The following PDE10A variants were observed in gnomAD, a reference collection of about 807,000 sequenced individuals.
PDE10A encodes cAMP and cAMP-inhibited cGMP 3',5'-cyclic phosphodiesterase 10A.
PDE10A carries 39 observed loss-of-function variants against 97.7 expected under a neutral mutation model. The observed-to-expected ratio is 0.40, with a 90% confidence interval of 0.31 to 0.52. The LOEUF is 0.52. Among genes scored for constraint, PDE10A ranks in the 20% least tolerant of loss-of-function variants. The pLI is 0.56. For missense variants in PDE10A, 731 were observed against 1,047.8 expected (o/e 0.70, Z 4.17); for synonymous variants, 371 against 376.8 (o/e 0.98, Z 0.18).
chr6:165,334,913 G>C (rs1209617963), intron 21 of PDE10A, among the ~76,000 whole-genome samples: 2 of 152,100 alleles, frequency 1.3e-5, no homozygotes, highest in African/African-American at 2.4e-5. Flanking sequence ...CAGAAGATAA[G>C]AGTATACTAA....
chr6:165,973,170 G>A (rs889695951), intron 1 of PDE10A, among the ~76,000 whole-genome samples: 2 of 152,214 alleles, frequency 1.3e-5, no homozygotes, highest in African/African-American at 4.8e-5. Flanking sequence ...TGTAATCCCA[G>A]CATTTTAGGA....
rs978063734 is a variant in PDE10A at position 165,644,650 on chromosome 6, C to T, written c.865+17297G>A. 2.6e-5 allele frequency among the ~76,000 whole-genome samples: 4 copies of T among 152,220 alleles called. No individual in the cohort carries two copies. In the East Asian group the frequency reaches 7.7e-4, roughly 29 times the overall value. On this transcript the variant is annotated intron_variant, in intron 1 of 21. Transcript: ENST00000539869. The stretch of plus-strand genomic sequence containing the variant: ...ACAACATATACGTATATTGAAACAT[C>T]ACACTGCATGTACTTCATCAACACA...
chr6:165,612,377 A>ATT (rs200018373), intron 1 of PDE10A, among the ~76,000 whole-genome samples: 16 of 147,964 alleles, frequency 1.1e-4, no homozygotes, highest in African/African-American at 4.0e-4. Flanking sequence ...ATAAACACAG[A>ATT]TTTTTTTTTT....
intron 1 of PDE10A, among the ~76,000 whole-genome samples, chr6:165,715,148 C>A (rs116502813): frequency 0.026 from 3,952 of 152,318 alleles, 162 homozygotes; most frequent in African/African-American, 0.091. Flanking sequence ...CCAGGTGCGG[C>A]CGGCGCTGCT....
intron 1 of PDE10A, among the ~76,000 whole-genome samples, chr6:165,630,503 A>G (rs1788580142): frequency 6.6e-6 from 1 of 152,206 alleles, no homozygotes; most frequent in Admixed American, 6.5e-5. Flanking sequence ...TATGTCAAAA[A>G]AAGATTTTAG....
At chr6:165,429,622 G>A (rs1030825470) in intron 9 of PDE10A, among the ~76,000 whole-genome samples, 1 of 151,994 alleles carries the variant, frequency 6.6e-6, no homozygotes, top group African/African-American at 2.4e-5. Context: ...TATTCCTTTA[G>A]TGAACTTGTA....
chr6:165,960,471 G>T (rs1433087116), intron 1 of PDE10A, among the ~76,000 whole-genome samples: 1 of 152,158 alleles, frequency 6.6e-6, no homozygotes, highest in Non-Finnish European at 1.5e-5. Flanking sequence ...TCCCAGAACT[G>T]AGGAAAGGTC....
intron 3 of PDE10A, among the ~76,000 whole-genome samples, chr6:165,467,204 A>G (rs1778704569): frequency 6.6e-6 from 1 of 152,260 alleles, no homozygotes; most frequent in African/African-American, 2.4e-5. Flanking sequence ...AGCCATCTTC[A>G]TAACAGAGAA....
At chr6:165,548,272 A>ATCTCTTTTTTT (rs1313215233) in intron 1 of PDE10A, among the ~76,000 whole-genome samples, 11 of 143,068 alleles carry the variant, frequency 7.7e-5, no homozygotes, top group Non-Finnish European at 1.5e-4. Context: ...CAGGCTTTAA[A>ATCTCTTTTTTT]TCTCTTTTTT....
intron 1 of PDE10A, among the ~76,000 whole-genome samples, chr6:165,620,924 G>A (rs959409187): frequency 6.6e-6 from 1 of 151,478 alleles, no homozygotes. Flanking sequence ...GGGAGGCTGA[G>A]ACAGGGGAAT....
chr6:165,801,802 C>T (rs1278127856), intron 1 of PDE10A, among the ~76,000 whole-genome samples: 1 of 152,134 alleles, frequency 6.6e-6, no homozygotes, highest in African/African-American at 2.4e-5. Context: ...GAAAGCCTAT[C>T]AGGATTGAGA....
Position 165,418,719 on chromosome 6 carries a change from T to A in PDE10A, c.1712A>T (p.Lys571Met). ...AAGGTCTGAATATAACTCCTTGTTC[T>A]TATGGTCCACCTGGAAAAGCGCACA... ...DRCALFQVDHKNKELYSDLFD... is the reference protein window; with the variant it reads ...DRCALFQVDHMNKELYSDLFD... The change falls in exon 11 of 22, where the codon AAG (lysine) becomes ATG (methionine). Residue 571 changes from lysine to methionine, a missense_variant. Transcript: ENST00000539869. This position sits in a 1 kb window ranked among gnomAD's most constrained non-coding sequence, Gnocchi z 4.8. The A allele has an allele frequency of 6.2e-7, 1 of 1,613,842 alleles. No individual in the cohort carries two copies. Among genetic ancestry groups the A allele is most frequent in the Non-Finnish European group, 8.5e-7 (1 of 1,179,830 alleles).
chr6:165,762,059 C>T (rs1028011011), intron 1 of PDE10A, among the ~76,000 whole-genome samples: 1 of 152,294 alleles, frequency 6.6e-6, no homozygotes, highest in Non-Finnish European at 1.5e-5. Flanking sequence ...AACCATCAGT[C>T]CTCCCAGAGA....
At chr6:165,794,134 C>A (rs1377970714) in intron 1 of PDE10A, among the ~76,000 whole-genome samples, 1 of 151,840 alleles carries the variant, frequency 6.6e-6, no homozygotes, top group Non-Finnish European at 1.5e-5. Context: ...CACACACACG[C>A]TCACACTCAC....
intron 1 of PDE10A, among the ~76,000 whole-genome samples, chr6:165,958,153 C>T (rs1309060229): frequency 2.6e-5 from 4 of 152,134 alleles, no homozygotes; most frequent in Non-Finnish European, 5.9e-5. Context: ...AGAGACCCAG[C>T]GTCTCCGGGA....
At chr6:165,791,338 T>C (rs1778643649) in intron 1 of PDE10A, among the ~76,000 whole-genome samples, 1 of 152,140 alleles carries the variant, frequency 6.6e-6, no homozygotes, top group Non-Finnish European at 1.5e-5. Context: ...GGTTCACCTA[T>C]GCTGCCACAT....
intron 1 of PDE10A, among the ~76,000 whole-genome samples, chr6:165,816,717 A>C (rs1374358400): frequency 6.6e-6 from 1 of 152,248 alleles, no homozygotes; most frequent in East Asian, 1.9e-4. Flanking sequence ...GATAAAGCTG[A>C]GACTACAGGC....
chr6:165,764,921 T>C (rs1777787906), intron 1 of PDE10A, among the ~76,000 whole-genome samples: 4 of 152,148 alleles, frequency 2.6e-5, no homozygotes, highest in Admixed American at 2.6e-4. Flanking sequence ...TGGTCTGTTT[T>C]GACAGGGCAC....
In PDE10A at chr6:165,437,272, C is replaced by T. The variant is rs566515616; in HGVS notation, c.1195-1895G>A. Among the ~76,000 whole-genome samples, 4 of 152,088 alleles carry T rather than the reference C, an allele frequency of 2.6e-5. No individual in the cohort carries two copies. In the East Asian group the frequency reaches 7.7e-4, roughly 29 times the overall value. On this transcript the variant is annotated intron_variant, in intron 5 of 21. Coordinates refer to ENST00000539869, the MANE Select transcript of PDE10A (RefSeq NM_001385079.1). ...TGACTTAGCCATAGGCCCTTCAAGG[C>T]TGAATTTAATCACATGTTTAAGTTA...
Sources: gnomAD v4.1 joint callset for allele counts (sites outside exome capture counted in the v4.1 genomes callset) on GRCh38, gnomAD v4.1.1 for gene constraint, Gnocchi (gnomAD v3.1) non-coding constraint, MANE v1.5 for transcripts, NCBI Gene and HGNC (gene_info 2026-07-23, HGNC 2026-07-21) for gene names.